OSBPL3: variants seen among roughly 807,000 people sequenced by gnomAD.
OSBPL3 encodes the protein oxysterol-binding protein-related protein 3.
A neutral mutation model predicts 120.1 loss-of-function variants in OSBPL3; 65 were observed. The observed-to-expected ratio is 0.54, with a 90% CI of 0.44 to 0.67. OSBPL3 has a LOEUF of 0.67. Among genes scored for constraint, OSBPL3 ranks in the 30% least tolerant of loss-of-function variants. OSBPL3 has a pLI of 0.00. For missense variants in OSBPL3, 1,004 were observed against 1,082.1 expected (o/e 0.93, Z 1.01); for synonymous variants, 416 against 402.6 (o/e 1.03, Z -0.40).
chr7:24,858,235 G>A (rs6955303), intron 10 of OSBPL3, among the ~76,000 whole-genome samples: 31,735 of 152,204 alleles, frequency 0.21, 3,668 homozygotes, highest in African/African-American at 0.32. Flanking sequence ...GGTGAAGGTC[G>A]CAGAGACTAT....
rs1437674835 is a variant in OSBPL3, at chr7:24,933,985, T to C, written c.-149-41364A>G. ...GAAAAGCAAAGTTTAAGAATGCAGA[T>C]AGACCATGTGTGTAATAGCTCTAAA... On this transcript the variant is annotated intron_variant, in intron 1 of 22. Transcript: ENST00000313367. The surrounding 1 kb of genome is among the most constrained non-coding windows in gnomAD (Gnocchi z 5.1). Among the ~76,000 whole-genome samples, 1 of 152,224 alleles carries C rather than the reference T, an allele frequency of 6.6e-6. No individual in the cohort carries two copies. The highest frequency in any genetic ancestry group is 6.5e-5 in the Admixed American group (1 of 15,288).
rs530600410 is a variant in OSBPL3 at position 24,846,278 on chromosome 7, C to A, written c.1266+2791G>T. Among the ~76,000 whole-genome samples, 3 of 152,216 alleles carry A rather than the reference C, an allele frequency of 2.0e-5. No homozygotes were observed. In the South Asian group the frequency reaches 6.2e-4, roughly 32 times the overall value. Reference sequence around the variant, plus strand: ...CTATTGAGAAAAGGATTGCTTTGGCCTCGTTAGATGTGAATTTAAATCTCA... The same window carrying A: ...CTATTGAGAAAAGGATTGCTTTGGCATCGTTAGATGTGAATTTAAATCTCA... On this transcript the variant is annotated intron_variant, in intron 12 of 22. Coordinates refer to ENST00000313367, the MANE Select transcript of OSBPL3 (RefSeq NM_015550.4).
intron 1 of OSBPL3, among the ~76,000 whole-genome samples, chr7:24,974,113 G>A (rs1038077678): frequency 2.0e-5 from 3 of 152,046 alleles, no homozygotes; most frequent in Non-Finnish European, 4.4e-5. Flanking sequence ...ATCCTACGGC[G>A]CTTCTCAGTA....
At chr7:24,887,718 T>G (rs1193236127) in intron 2 of OSBPL3, among the ~76,000 whole-genome samples, 1 of 152,212 alleles carries the variant, frequency 6.6e-6, no homozygotes, top group Non-Finnish European at 1.5e-5. Flanking sequence ...GTCCATGCTG[T>G]GCTCTCCCTG....
chr7:24,960,041 C>CT (rs2128513381), intron 1 of OSBPL3, among the ~76,000 whole-genome samples: 1 of 152,282 alleles, frequency 6.6e-6, no homozygotes, highest in Non-Finnish European at 1.5e-5. Flanking sequence ...ATAGCTATTA[C>CT]TCTTAAATGA....
intron 13 of OSBPL3, among the ~76,000 whole-genome samples, chr7:24,841,883 C>T (rs1477156238): frequency 1.3e-5 from 2 of 151,224 alleles, no homozygotes; most frequent in Non-Finnish European, 2.9e-5. Context: ...CACGGTGGCA[C>T]GTGCCTGTAG....
intron 22 of OSBPL3, among the ~76,000 whole-genome samples, 173 bp from the exon 23 acceptor site, chr7:24,800,452 A>AT (rs1792170207): frequency 7.9e-6 from 1 of 126,522 alleles, no homozygotes; most frequent in African/African-American, 2.8e-5. Context: ...TAATTTTGTT[A>AT]CTTTTTTTTT....
At position 24,799,483 on chromosome 7, in the gene OSBPL3, G is replaced by C. The variant is rs961083886; in HGVS notation, c.*700C>G. On this transcript the variant is annotated 3_prime_UTR_variant, in exon 23 of 23. Coordinates refer to ENST00000313367, the MANE Select transcript of OSBPL3 (RefSeq NM_015550.4). This position sits in a 1 kb window ranked among gnomAD's most constrained non-coding sequence, Gnocchi z 5.3. ...ATTAATTGGAATTCTTTTCTCTTATGAATAATTTCTCTGAGCAACAGGGTA... is the reference window on the plus strand; with the variant it reads ...ATTAATTGGAATTCTTTTCTCTTATCAATAATTTCTCTGAGCAACAGGGTA... 2.6e-5 allele frequency: 4 copies of C among 152,144 alleles called. No individual in the cohort carries two copies. The highest frequency in any genetic ancestry group is 1.3e-4 in the Admixed American group (2 of 15,274). The allele number at this position is 152,144 out of a possible 1,614,324, so 9.4% of individuals were successfully genotyped here.
intron 1 of OSBPL3, among the ~76,000 whole-genome samples, chr7:24,958,714 A>G (rs944432833): frequency 6.6e-6 from 1 of 152,214 alleles, no homozygotes; most frequent in Non-Finnish European, 1.5e-5. Context: ...TGTGATATTC[A>G]GCACATTCAC....
rs1000592333 is a variant in OSBPL3, at chr7:24,881,292, A to G, written c.97-9223T>C. On this transcript the variant is annotated intron_variant, in intron 2 of 22. Coordinates refer to ENST00000313367, the MANE Select transcript of OSBPL3 (RefSeq NM_015550.4). The surrounding 1 kb of genome is among the most constrained non-coding windows in gnomAD (Gnocchi z 4.3). The stretch of plus-strand genomic sequence containing the variant: ...GTGCTACACAATAACTGGTTCTCAT[A>G]ATGAGAACCTAGTGACAATGTTAAG... 7.2e-5 allele frequency among the ~76,000 whole-genome samples: 11 copies of G among 152,220 alleles called. No homozygotes were observed. The highest frequency in any genetic ancestry group is 1.0e-4 in the Non-Finnish European group (7 of 68,042).
rs772605031 is a variant in OSBPL3 at position 24,849,029 on chromosome 7, G to A, written c.1266+40C>T. ...GACAGATGGTATCACGGGAGCGGGC[G>A]GCAGCTGGGGAGACATTACCAGACG... On this transcript the variant is annotated intron_variant, in intron 12 of 22. Coordinates refer to ENST00000313367, the MANE Select transcript of OSBPL3 (RefSeq NM_015550.4). This position sits in a 1 kb window ranked among gnomAD's most constrained non-coding sequence, Gnocchi z 5.4. The A allele has an allele frequency of 1.4e-5, 20 of 1,399,624 alleles. No homozygotes were observed. The highest frequency in any genetic ancestry group is 6.9e-5 in the East Asian group (3 of 43,734). The allele number at this position is 1,399,624 out of a possible 1,614,324, so 86.7% of individuals were successfully genotyped here. A position where few individuals can be genotyped will look rare whatever the true frequency, so the allele number is the denominator to read the frequency against.
rs1811948532 is a variant in OSBPL3, at chr7:24,932,825, T to G, written c.-149-40204A>C. 6.6e-6 allele frequency among the ~76,000 whole-genome samples: 1 copy of G among 152,264 alleles called. No homozygotes were observed. Among genetic ancestry groups the G allele is most frequent in the Admixed American group, 6.5e-5 (1 of 15,294 alleles). Reference sequence around the variant, plus strand: ...ACCAAACTGCCTTATATTCAAGCATTTGAAATGTTGGGCATTCAGGAACGA... The same window carrying G: ...ACCAAACTGCCTTATATTCAAGCATGTGAAATGTTGGGCATTCAGGAACGA... On this transcript the variant is annotated intron_variant, in intron 1 of 22. Transcript: ENST00000313367. The surrounding 1 kb of genome is among the most constrained non-coding windows in gnomAD (Gnocchi z 5.6).
At chr7:24,907,284 G>A (rs1408696351) in intron 1 of OSBPL3, among the ~76,000 whole-genome samples, 2 of 152,280 alleles carry the variant, frequency 1.3e-5, no homozygotes, top group Non-Finnish European at 2.9e-5. Context: ...ACAAGCTTAA[G>A]TAAAATAGCA....
At chr7:24,956,801 CT>C (rs767938998) in intron 1 of OSBPL3, among the ~76,000 whole-genome samples, 18 of 152,100 alleles carry the variant, frequency 1.2e-4, no homozygotes, top group Non-Finnish European at 2.1e-4. Context: ...AGGTTTTATC[CT>C]TTTTTAACTC....
At position 24,797,996 on chromosome 7, in the gene OSBPL3, A is replaced by C. The variant is rs922646812; in HGVS notation, c.*2187T>G. ...TTTTAAGCTTATAATATCAGGATGC[A>C]TCACCAAGCTGTTTAAATTTCAGAA... On this transcript the variant is annotated 3_prime_UTR_variant, in exon 23 of 23. Transcript: ENST00000313367. The surrounding 1 kb of genome is among the most constrained non-coding windows in gnomAD (Gnocchi z 4.8). 1.3e-5 allele frequency: 2 copies of C among 152,218 alleles called. No individual in the cohort carries two copies. Among genetic ancestry groups the C allele is most frequent in the African/African-American group, 4.8e-5 (2 of 41,460 alleles). 9.4% of individuals were successfully genotyped at this position (152,218 alleles called of 1,614,324 possible).
In OSBPL3 at chr7:24,930,817, G is replaced by C; in HGVS notation, c.-149-38196C>G. Among the ~76,000 whole-genome samples the C allele has an allele frequency of 6.6e-6, 1 of 152,202 alleles. No homozygotes were observed. The highest frequency in any genetic ancestry group is 1.5e-5 in the Non-Finnish European group (1 of 68,030). ...TGAGGTGAAGGATTTCTGATTAAAT[G>C]AATTCATCAATGAGATTTTGTCACT... On this transcript the variant is annotated intron_variant, in intron 1 of 22. Coordinates refer to ENST00000313367, the MANE Select transcript of OSBPL3 (RefSeq NM_015550.4). This position sits in a 1 kb window ranked among gnomAD's most constrained non-coding sequence, Gnocchi z 4.4.
rs1813826471 is a variant in OSBPL3, at chr7:24,947,112, A to G, written c.-150+32774T>C. On this transcript the variant is annotated intron_variant, in intron 1 of 22. Transcript: ENST00000313367. The surrounding 1 kb of genome is among the most constrained non-coding windows in gnomAD (Gnocchi z 4.4). The stretch of plus-strand genomic sequence containing the variant: ...CTAAAAACAAAGTCAGGAGTGCCCC[A>G]TCCTTGATGATGGTCAAGTCAAGGT... Among the ~76,000 whole-genome samples, 1 of 152,242 alleles carries G rather than the reference A, an allele frequency of 6.6e-6. No homozygotes were observed.
Position 24,872,033 on chromosome 7 carries a change from T to G in OSBPL3, c.133A>C (p.Met45Leu), listed in dbSNP as rs1802193521. 6.2e-7 allele frequency: 1 copy of G among 1,613,718 alleles called. No homozygotes were observed. Among genetic ancestry groups the G allele is most frequent in the African/African-American group, 1.3e-5 (1 of 74,914 alleles). ...WEVVEGLRGE[M>L]NYTQEPPVQK... is the part of the protein sequence containing the mutation. ...ACTGGTGGCTCCTGGGTGTAATTCA[T>G]CTCCCCCCTCAGTCCTTCCACCACT... Residue 45 changes from methionine (M) to leucine (L), a missense_variant, in exon 3 of 23, where the codon ATG becomes CTG. Coordinates refer to ENST00000313367, the MANE Select transcript of OSBPL3 (RefSeq NM_015550.4). The surrounding 1 kb of genome is among the most constrained non-coding windows in gnomAD (Gnocchi z 4.1).
Position 24,804,202 on chromosome 7 carries a change from A to G in OSBPL3, c.2567+113T>C. The G allele has an allele frequency of 7.8e-7, 1 of 1,286,912 alleles. No homozygotes were observed. 79.7% of individuals were successfully genotyped at this position (1,286,912 alleles called of 1,614,324 possible). A position where few individuals can be genotyped will look rare whatever the true frequency, so the allele number is the denominator to read the frequency against. Reference sequence around the variant, plus strand: ...CAGTACCCCCACGTGGAAGCAGGAAAAGCCTGGAGAATGCTCTTATCTGGG... The same window carrying G: ...CAGTACCCCCACGTGGAAGCAGGAAGAGCCTGGAGAATGCTCTTATCTGGG... On this transcript the variant is annotated intron_variant, in intron 22 of 22. Coordinates refer to ENST00000313367, the MANE Select transcript of OSBPL3 (RefSeq NM_015550.4). This position sits in a 1 kb window ranked among gnomAD's most constrained non-coding sequence, Gnocchi z 5.4.
Sources: allele counts gnomAD v4.1 joint callset (sites outside exome capture counted in the v4.1 genomes callset), GRCh38; gene constraint gnomAD v4.1.1; non-coding constraint Gnocchi (gnomAD v3.1); transcripts MANE v1.5; gene names NCBI Gene and HGNC (gene_info 2026-07-23, HGNC 2026-07-21).